KCNIP4: variants seen among roughly 807,000 people sequenced by gnomAD.
KCNIP4 encodes the protein Kv channel-interacting protein 4.
Under a neutral mutation model 34.0 loss-of-function variants are expected in KCNIP4, and 12 were observed. The ratio of observed to expected loss-of-function variants is 0.35; its 90% CI spans 0.23 to 0.57. KCNIP4 has a LOEUF of 0.57. Among genes scored for constraint, KCNIP4 ranks in the 20% least tolerant of loss-of-function variants. The pLI, the probability that KCNIP4 is intolerant of heterozygous loss-of-function variation, is 0.83. For synonymous variants in KCNIP4, 124 were observed against 102.2 expected (o/e 1.21, Z -1.29); for missense variants, 238 against 311.7 (o/e 0.76, Z 1.78).
At chr4:20,993,831 T>C (rs1289635225) in intron 1 of KCNIP4, among the ~76,000 whole-genome samples, 1 of 152,244 alleles carries the variant, frequency 6.6e-6, no homozygotes, top group Non-Finnish European at 1.5e-5. Context: ...TGGTTCTCAT[T>C]GGGCTTAAAT....
At chr4:21,116,893 T>G (rs988196801) in intron 1 of KCNIP4, among the ~76,000 whole-genome samples, 1 of 152,232 alleles carries the variant, frequency 6.6e-6, no homozygotes, top group Middle Eastern at 3.2e-3. Flanking sequence ...TTATAATTAG[T>G]CAAATATTTC....
intron 3 of KCNIP4, among the ~76,000 whole-genome samples, chr4:20,843,386 T>G (rs1719976952): frequency 6.6e-6 from 1 of 152,240 alleles, no homozygotes; most frequent in Non-Finnish European, 1.5e-5. Flanking sequence ...TTTCAATTTC[T>G]AAACCTCTGT....
chr4:20,835,989 C>G (rs553971099), intron 3 of KCNIP4, among the ~76,000 whole-genome samples: 1 of 152,316 alleles, frequency 6.6e-6, no homozygotes, highest in Admixed American at 6.5e-5. Context: ...AATGTACCAT[C>G]ATAACTTGGC....
chr4:21,091,230 G>C (rs11945600), intron 1 of KCNIP4, among the ~76,000 whole-genome samples: 25,592 of 152,082 alleles, frequency 0.17, 2,232 homozygotes, highest in East Asian at 0.24. Flanking sequence ...ACAAGCACTT[G>C]GCTAGCTTCT....
chr4:21,638,244 A>C (rs1309821237), intron 1 of KCNIP4, among the ~76,000 whole-genome samples: 3 of 152,206 alleles, frequency 2.0e-5, no homozygotes, highest in African/African-American at 7.2e-5. Context: ...ATCAAGGCCA[A>C]TCATGATTCA....
intron 1 of KCNIP4, among the ~76,000 whole-genome samples, chr4:21,616,271 T>G (rs1232654836): frequency 6.6e-6 from 1 of 152,132 alleles, no homozygotes; most frequent in East Asian, 1.9e-4. Flanking sequence ...AAATCTTACC[T>G]TTATCTCTCC....
At chr4:20,981,270 C>T (rs1736037616) in intron 1 of KCNIP4, among the ~76,000 whole-genome samples, 1 of 152,196 alleles carries the variant, frequency 6.6e-6, no homozygotes, top group African/African-American at 2.4e-5. Context: ...TAATCTATGA[C>T]AAACATCAGT....
At position 20,799,232 on chromosome 4, in the gene KCNIP4, T is replaced by A. The variant is rs567251189; in HGVS notation, c.289-40342A>T. Among the ~76,000 whole-genome samples, 4 of 152,252 alleles carry A rather than the reference T, an allele frequency of 2.6e-5. No individual in the cohort carries two copies. In the East Asian group the frequency reaches 7.7e-4, roughly 29 times the overall value. ...CAGTGATGGTCTGCCAGCAGGGGAT[T>A]TCAGATATTCTGCACACCAGAGCTA... On this transcript the variant is annotated intron_variant, in intron 3 of 8. Transcript: ENST00000382152.
chr4:21,556,235 TTGG>T (rs753330056), intron 1 of KCNIP4, among the ~76,000 whole-genome samples: 2 of 152,116 alleles, frequency 1.3e-5, no homozygotes, highest in Non-Finnish European at 2.9e-5. Flanking sequence ...ATCATGATAA[TTGG>T]TGACCATTTT....
chr4:20,745,541 A>G (rs1409921191), intron 5 of KCNIP4, among the ~76,000 whole-genome samples: 2 of 152,202 alleles, frequency 1.3e-5, no homozygotes, highest in Admixed American at 1.3e-4. Context: ...ACAACTCTCA[A>G]TGAGTACTTT....
chr4:20,955,652 T>TG (rs1275501834), intron 1 of KCNIP4, among the ~76,000 whole-genome samples: 2 of 151,456 alleles, frequency 1.3e-5, no homozygotes, highest in Non-Finnish European at 2.9e-5. Context: ...TTGAATAGAG[T>TG]GAAAAAAAAA....
intron 1 of KCNIP4, among the ~76,000 whole-genome samples, chr4:21,618,318 C>T (rs1043133824): frequency 6.6e-6 from 1 of 151,938 alleles, no homozygotes; most frequent in Admixed American, 6.6e-5. Flanking sequence ...AAAAATAAGT[C>T]AATTGAGTTA....
chr4:21,456,389 G>T (rs1216415472), intron 1 of KCNIP4, among the ~76,000 whole-genome samples: 1 of 147,700 alleles, frequency 6.8e-6, no homozygotes, highest in African/African-American at 2.6e-5. Flanking sequence ...ACTCTTCCTT[G>T]CTTGGCTGTT....
intron 1 of KCNIP4, among the ~76,000 whole-genome samples, chr4:21,516,406 C>A (rs1375836208): frequency 6.6e-6 from 1 of 152,186 alleles, no homozygotes; most frequent in East Asian, 1.9e-4. Context: ...AACAATCACC[C>A]TTTTCCTTTC....
chr4:20,779,702 T>C (rs1179139030), intron 3 of KCNIP4, among the ~76,000 whole-genome samples: 1 of 151,844 alleles, frequency 6.6e-6, no homozygotes, highest in East Asian at 1.9e-4. Context: ...ATCCCAATTG[T>C]CCTTACAGGA....
At chr4:21,194,160 A>G (rs1755883670) in intron 1 of KCNIP4, among the ~76,000 whole-genome samples, 2 of 152,146 alleles carry the variant, frequency 1.3e-5, no homozygotes, top group Admixed American at 6.5e-5. Flanking sequence ...CTTACTTTAA[A>G]TGTTTTTTTC....
intron 1 of KCNIP4, among the ~76,000 whole-genome samples, chr4:20,966,959 C>G (rs1406508927): frequency 2.0e-5 from 3 of 152,110 alleles, no homozygotes; most frequent in East Asian, 1.9e-4. Flanking sequence ...GAGGTTCAGA[C>G]AGGTTTGGTG....
intron 1 of KCNIP4, among the ~76,000 whole-genome samples, chr4:21,918,884 A>G (rs1161895830): frequency 6.6e-6 from 1 of 152,140 alleles, no homozygotes; most frequent in Non-Finnish European, 1.5e-5. Context: ...CCTTAAGTCA[A>G]TCCTGAGATC....
chr4:21,343,446 T>C (rs1260840515), intron 1 of KCNIP4, among the ~76,000 whole-genome samples: 1 of 152,144 alleles, frequency 6.6e-6, no homozygotes, highest in East Asian at 1.9e-4. Context: ...AAAGCATCTC[T>C]TTAGGGAGTT....
Sources: gnomAD v4.1 joint callset for allele counts (sites outside exome capture counted in the v4.1 genomes callset) on GRCh38, gnomAD v4.1.1 for gene constraint, MANE v1.5 for transcripts, NCBI Gene and HGNC (gene_info 2026-07-23, HGNC 2026-07-21) for gene names.